Variants in AKAP13 observed in about 807,000 individuals in gnomAD.
AKAP13 encodes the protein A-kinase anchoring protein 13.
AKAP13 carries 80 observed loss-of-function variants against 264.5 expected under a neutral mutation model. The observed-to-expected ratio is 0.30, with a 90% CI of 0.25 to 0.36. The LOEUF (loss-of-function observed/expected upper bound fraction) is 0.36. Among genes scored for constraint, AKAP13 ranks in the 10% least tolerant of loss-of-function variants. The pLI is 1.00. For missense variants in AKAP13, 3,712 were observed against 3,435.2 expected, an observed-to-expected ratio of 1.08 and a Z score of -2.01; for synonymous variants, 1,380 against 1,250.2, an observed-to-expected ratio of 1.10 and a Z score of -2.19.
chr15:85,546,952 C>T (rs1241835125), intron 5 of AKAP13, among the ~76,000 whole-genome samples: 2 of 152,120 alleles, frequency 1.3e-5, no homozygotes, highest in African/African-American at 4.8e-5. Flanking sequence ...CCATGTTGGT[C>T]AGGCTGGTCT....
In AKAP13 at chr15:85,727,141, C is replaced by T; in HGVS notation, c.6898C>T (p.Leu2300=). Residue 2300 remains leucine (L), a synonymous_variant, in exon 28 of 37, where the codon CTG becomes TTG. Coordinates refer to ENST00000394518, the MANE Select transcript of AKAP13 (RefSeq NM_007200.5). This position sits in a 1 kb window ranked among gnomAD's most constrained non-coding sequence, Gnocchi z 5.3. ...EVAHEEKGLF[L]ISMGMTDPEM... ...GGCACATGAGGAGAAAGGTTTATTCCTGATCAGCATGGGGATGACAGATCC... is the reference window on the plus strand; with the variant it reads ...GGCACATGAGGAGAAAGGTTTATTCTTGATCAGCATGGGGATGACAGATCC... 1 of 1,614,240 alleles carries T rather than the reference C, an allele frequency of 6.2e-7. No homozygotes were observed. The highest frequency in any genetic ancestry group is 8.5e-7 in the Non-Finnish European group (1 of 1,180,034).
chr15:85,601,481 C>A (rs535304030), intron 8 of AKAP13, among the ~76,000 whole-genome samples: 1 of 152,076 alleles, frequency 6.6e-6, no homozygotes, highest in Non-Finnish European at 1.5e-5. Flanking sequence ...AAAGCTCTCA[C>A]CCAAGATTCT....
At chr15:85,701,509 G>A (rs369655792) in intron 17 of AKAP13, among the ~76,000 whole-genome samples, 1 of 152,028 alleles carries the variant, frequency 6.6e-6, no homozygotes, top group East Asian at 1.9e-4. Context: ...GCGCAATCTC[G>A]GCTCACTGCA....
intron 1 of AKAP13, among the ~76,000 whole-genome samples, chr15:85,436,561 T>C (rs2073306109): frequency 6.7e-6 from 1 of 149,026 alleles, no homozygotes; most frequent in Admixed American, 6.7e-5. Flanking sequence ...GACCACATAG[T>C]TGGAAGTAAA....
intron 2 of AKAP13, among the ~76,000 whole-genome samples, chr15:85,516,808 G>C (rs2076618332): frequency 6.6e-6 from 1 of 152,162 alleles, no homozygotes; most frequent in African/African-American, 2.4e-5. Context: ...TACGAATACA[G>C]ATTTGACAAG....
chr15:85,632,267 A>T (rs922497474), intron 8 of AKAP13, among the ~76,000 whole-genome samples: 2 of 152,160 alleles, frequency 1.3e-5, no homozygotes, highest in Admixed American at 1.3e-4. Context: ...CCTAAGCCCT[A>T]TGCAGGCAAC....
chr15:85,529,928 G>A (rs2077195221), intron 3 of AKAP13, among the ~76,000 whole-genome samples: 1 of 152,166 alleles, frequency 6.6e-6, no homozygotes, highest in Admixed American at 6.5e-5. Context: ...ATGATTCATA[G>A]TTTCTTCTTC....
At chr15:85,670,349 G>A (rs775271206) in intron 14 of AKAP13, among the ~76,000 whole-genome samples, 6 of 151,560 alleles carry the variant, frequency 4.0e-5, no homozygotes, top group African/African-American at 9.7e-5. Flanking sequence ...CAAAGATATT[G>A]TCTTATATTA....
intron 36 of AKAP13, 88 bp from the exon 37 acceptor site, chr15:85,744,539 CA>C: frequency 7.2e-7 from 1 of 1,391,988 alleles, no homozygotes; most frequent in Admixed American, 1.7e-5. Flanking sequence ...CGCCTGTTTG[CA>C]TTACAGAAGA....
intron 8 of AKAP13, among the ~76,000 whole-genome samples, chr15:85,608,007 G>A (rs1184846779): frequency 1.3e-5 from 2 of 152,086 alleles, no homozygotes; most frequent in Non-Finnish European, 2.9e-5. Flanking sequence ...AGAGCAAGTT[G>A]TACCTCTGCA....
intron 1 of AKAP13, among the ~76,000 whole-genome samples, chr15:85,381,270 C>G (rs2070234789): frequency 6.6e-6 from 1 of 151,992 alleles, no homozygotes; most frequent in South Asian, 2.1e-4. Flanking sequence ...GTGCTGCGGG[C>G]GCGAGGGAGC....
chr15:85,502,691 G>A (rs1319653757), intron 2 of AKAP13, among the ~76,000 whole-genome samples: 1 of 152,082 alleles, frequency 6.6e-6, no homozygotes, highest in East Asian at 1.9e-4. Flanking sequence ...TACTTTTGTG[G>A]TTAAGTACTG....
intron 1 of AKAP13, among the ~76,000 whole-genome samples, chr15:85,442,563 A>G (rs1243905095): frequency 2.9e-5 from 4 of 137,764 alleles, no homozygotes; most frequent in Non-Finnish European, 6.1e-5. Context: ...TATTTCTAGC[A>G]TGAGAATGAT....
chr15:85,628,887 C>G (rs182915984), intron 8 of AKAP13, among the ~76,000 whole-genome samples: 141 of 152,158 alleles, frequency 9.3e-4, no homozygotes, highest in African/African-American at 3.2e-3. Flanking sequence ...TTATTGAATT[C>G]TAAGACAAAT....
At chr15:85,411,526 T>C (rs994354221) in intron 1 of AKAP13, among the ~76,000 whole-genome samples, 5 of 152,020 alleles carry the variant, frequency 3.3e-5, no homozygotes, top group Non-Finnish European at 7.4e-5. Flanking sequence ...CAAGCTCCGC[T>C]TCCCGGGTTC....
Position 85,578,991 on chromosome 15 carries a change from C to A in AKAP13, c.923C>A (p.Ser308Tyr), listed in dbSNP as rs778373425. ...MPLMMTAQDPSSAPETDGQFL... is the reference protein window; with the variant it reads ...MPLMMTAQDPYSAPETDGQFL... Reference sequence around the variant, plus strand: ...TTAATGATGACAGCACAGGATCCTTCCAGTGCCCCAGAGACAGATGGCCAG... The same window carrying A: ...TTAATGATGACAGCACAGGATCCTTACAGTGCCCCAGAGACAGATGGCCAG... Residue 308 changes from serine to tyrosine, a missense_variant, in exon 7 of 37, where the codon TCC becomes TAC. Coordinates refer to ENST00000394518, the MANE Select transcript of AKAP13 (RefSeq NM_007200.5). The A allele has an allele frequency of 1.2e-6, 2 of 1,614,082 alleles. No homozygotes were observed. The highest frequency in any genetic ancestry group is 1.7e-6 in the Non-Finnish European group (2 of 1,180,034).
intron 16 of AKAP13, among the ~76,000 whole-genome samples, chr15:85,690,549 T>A (rs2085222837): frequency 6.6e-6 from 1 of 152,254 alleles, no homozygotes; most frequent in Admixed American, 6.5e-5. Context: ...CTCATTATTT[T>A]TTATAGTTCA....
chr15:85,506,983 C>A lies in AKAP13; in HGVS notation c.34-14445C>A, dbSNP rs118017766. ...TGACTTTATCTCTTGTCTTCCTAGT[C>A]AGCTCTTACATGGCTTTTGAAATTC... On this transcript the variant is annotated intron_variant, in intron 2 of 36. Transcript: ENST00000394518. Among the ~76,000 whole-genome samples the A allele has an allele frequency of 6.0e-3, 917 of 152,082 alleles. 3 individuals are homozygous for A. The highest frequency in any genetic ancestry group is 0.011 in the Non-Finnish European group (736 of 67,964).
intron 13 of AKAP13, among the ~76,000 whole-genome samples, chr15:85,669,230 T>A (rs928593530): frequency 3.3e-5 from 5 of 152,130 alleles, no homozygotes; most frequent in Admixed American, 3.3e-4. Flanking sequence ...AGAGTGAGAC[T>A]CTGTCTAAAA....
Sources: allele counts gnomAD v4.1 joint callset (sites outside exome capture counted in the v4.1 genomes callset), GRCh38; gene constraint gnomAD v4.1.1; non-coding constraint Gnocchi (gnomAD v3.1); transcripts MANE v1.5; gene names NCBI Gene and HGNC (gene_info 2026-07-23, HGNC 2026-07-21).